The following LPA variants were observed in gnomAD, a reference collection of about 807,000 sequenced individuals.
LPA encodes lipoprotein(a).
LPA carries 199 observed loss-of-function variants against 197.9 expected under a neutral mutation model. That is an observed-to-expected ratio of 1.01 (90% CI 0.90 to 1.13). LPA has a LOEUF of 1.13. Ranked by LOEUF, LPA falls within the 50% of genes most tolerant of loss-of-function variation. LPA has a pLI of 0.00. For synonymous variants in LPA, 715 were observed against 639.5 expected (o/e 1.12, Z -1.78); for missense variants, 1,853 against 1,785.8 (o/e 1.04, Z -0.68).
intron 18 of LPA, among the ~76,000 whole-genome samples, chr6:160,603,056 T>C (rs1779275711): frequency 6.6e-6 from 1 of 150,562 alleles, no homozygotes; most frequent in Non-Finnish European, 1.5e-5. Flanking sequence ...GAATCTGTGG[T>C]TTTTAATATT....
intron 26 of LPA, among the ~76,000 whole-genome samples, chr6:160,581,224 C>A (rs1351197952): frequency 6.6e-6 from 1 of 152,042 alleles, no homozygotes; most frequent in Non-Finnish European, 1.5e-5. Context: ...AATAAATTGA[C>A]CATATATGTA....
intron 24 of LPA, among the ~76,000 whole-genome samples, chr6:160,587,995 C>A (rs1778947282): frequency 6.6e-6 from 1 of 151,890 alleles, no homozygotes; most frequent in Non-Finnish European, 1.5e-5. Context: ...TCTTGCTATT[C>A]TGCTTTTGTT....
chr6:160,570,149 G>T (rs959799747), intron 28 of LPA, among the ~76,000 whole-genome samples: 4 of 152,144 alleles, frequency 2.6e-5, no homozygotes, highest in African/African-American at 9.7e-5. Flanking sequence ...ATATCTAAAG[G>T]ATTATAAATC....
At chr6:160,564,165 G>A (rs1326865715) in intron 28 of LPA, among the ~76,000 whole-genome samples, 1 of 152,144 alleles carries the variant, frequency 6.6e-6, no homozygotes, top group African/African-American at 2.4e-5. Flanking sequence ...AGTGTTGATG[G>A]TGTTTACAAT....
Position 160,634,970 on chromosome 6 carries a change from C to T in LPA, c.1075+153G>A, listed in dbSNP as rs535607283. Among the ~76,000 whole-genome samples the T allele has an allele frequency of 1.9e-3, 292 of 150,284 alleles. 34 individuals carry two copies. The highest frequency in any genetic ancestry group is 7.1e-3 in the African/African-American group (280 of 39,616). Reference sequence around the variant, plus strand: ...ACCAGAAATCACTCCGCTGGCTCCCCCAGAGAGTACACGGAGGCTTCCCCC... The same window carrying T: ...ACCAGAAATCACTCCGCTGGCTCCCTCAGAGAGTACACGGAGGCTTCCCCC... On this transcript the variant is annotated intron_variant, in intron 7 of 38. Coordinates refer to ENST00000316300, the MANE Select transcript of LPA (RefSeq NM_005577.4).
chr6:160,609,059 T>C (rs1313769764), intron 16 of LPA, among the ~76,000 whole-genome samples: 2 of 152,184 alleles, frequency 1.3e-5, no homozygotes, highest in Non-Finnish European at 1.5e-5. Context: ...TCTTTTGATA[T>C]TTTATCTGTT....
intron 21 of LPA, 96 bp from the exon 22 acceptor site, chr6:160,594,213 A>G: frequency 6.9e-7 from 1 of 1,459,750 alleles, no homozygotes; most frequent in East Asian, 2.3e-5. Flanking sequence ...TGTCTCTGAG[A>G]AAGACTACCA....
At chr6:160,589,952 G>T (rs1167157134) in intron 23 of LPA, among the ~76,000 whole-genome samples, 1 of 152,202 alleles carries the variant, frequency 6.6e-6, no homozygotes, top group Non-Finnish European at 1.5e-5. Context: ...AGATCAGAGT[G>T]CCTATCAGTC....
At chr6:160,657,955 T>C (rs1372575754) in intron 1 of LPA, among the ~76,000 whole-genome samples, 3 of 152,176 alleles carry the variant, frequency 2.0e-5, no homozygotes, top group Non-Finnish European at 4.4e-5. Context: ...CGCAAGGAAT[T>C]TAGCCTAGTT....
intron 16 of LPA, among the ~76,000 whole-genome samples, chr6:160,609,515 T>A (rs1178410871): frequency 1.3e-5 from 2 of 152,166 alleles, no homozygotes; most frequent in African/African-American, 4.8e-5. Context: ...GAGAAGTGCA[T>A]CATGTAGTTT....
intron 20 of LPA, among the ~76,000 whole-genome samples, chr6:160,596,875 T>C (rs1779143262): frequency 6.6e-6 from 1 of 152,230 alleles, no homozygotes; most frequent in Non-Finnish European, 1.5e-5. Flanking sequence ...TTTGGATAAA[T>C]TGTGTTATAT....
chr6:160,580,756 TG>T (rs1778779296), intron 26 of LPA, among the ~76,000 whole-genome samples: 2 of 152,206 alleles, frequency 1.3e-5, no homozygotes, highest in Non-Finnish European at 2.9e-5. Context: ...TTGATTAGGT[TG>T]TTTGTCCTCT....
At chr6:160,551,086 G>T (rs1778160142) in intron 30 of LPA, among the ~76,000 whole-genome samples, 1 of 152,188 alleles carries the variant, frequency 6.6e-6, no homozygotes, top group African/African-American at 2.4e-5. Context: ...GGGTAAAAGT[G>T]CATTTATTGA....
rs374027155 is a variant in LPA at position 160,536,157 on chromosome 6, TCC to T, written c.5842+1696_5842+1697del. Among the ~76,000 whole-genome samples the T allele has an allele frequency of 2.1e-3, 324 of 152,212 alleles. 1 individual carries two copies. The highest frequency in any genetic ancestry group is 6.9e-3 in the African/African-American group (288 of 41,532). On this transcript the variant is annotated intron_variant, in intron 37 of 38. Transcript: ENST00000316300. ...TGGGAGAGTGGCCTTTCTTATTCTT[TCC>T]CGGTACAGCCACAGCACCACAGCAT... is the stretch of plus-strand genomic sequence containing the variant.
chr6:160,601,175 G>GTCAT (rs1246997640), intron 18 of LPA, 77 bp from the exon 19 acceptor site: 1 of 1,250,974 alleles, frequency 8.0e-7, no homozygotes, highest in African/African-American at 1.5e-5. Context: ...CTACAACAAG[G>GTCAT]TCATTACTGG....
chr6:160,575,192 T>G (rs1778633326), intron 28 of LPA, among the ~76,000 whole-genome samples: 1 of 152,184 alleles, frequency 6.6e-6, no homozygotes, highest in African/African-American at 2.4e-5. Context: ...TCTGTGAGCT[T>G]TTTTTTCTTC....
chr6:160,565,156 A>T (rs146353390), intron 28 of LPA, among the ~76,000 whole-genome samples: 1 of 152,314 alleles, frequency 6.6e-6, no homozygotes, highest in African/African-American at 2.4e-5. Context: ...TCCCTGTCTG[A>T]CAGCTTTGAA....
At chr6:160,546,003 T>C (rs1446447937) in intron 32 of LPA, among the ~76,000 whole-genome samples, 1 of 152,180 alleles carries the variant, frequency 6.6e-6, no homozygotes, top group Admixed American at 6.5e-5. Context: ...TCCTGTGATA[T>C]TGTGATAGAA....
chr6:160,605,569 C>T (rs527983711), intron 17 of LPA, among the ~76,000 whole-genome samples: 2 of 152,150 alleles, frequency 1.3e-5, no homozygotes, highest in Non-Finnish European at 2.9e-5. Flanking sequence ...GACTATGGGG[C>T]AGCAAACAGC....
Sources: gnomAD v4.1 joint callset for allele counts (sites outside exome capture counted in the v4.1 genomes callset) on GRCh38, gnomAD v4.1.1 for gene constraint, MANE v1.5 for transcripts, NCBI Gene and HGNC (gene_info 2026-07-23, HGNC 2026-07-21) for gene names.